TBX1: variants seen among roughly 807,000 people sequenced by gnomAD.
The protein encoded by TBX1 is T-box transcription factor 1, also known as T-box transcription factor TBX1.
TBX1 carries 16 observed loss-of-function variants against 40.8 expected under a neutral mutation model. That is an observed-to-expected ratio of 0.39 (90% CI 0.27 to 0.60). The LOEUF (loss-of-function observed/expected upper bound fraction) is 0.60, where lower values mean the gene tolerates loss of function less well. TBX1 is among the 20% of genes least tolerant of loss of function. The pLI is 0.51. For missense variants in TBX1, 755 were observed against 728.5 expected, an observed-to-expected ratio of 1.04 and a Z score of -0.42; for synonymous variants, 403 against 336.8, an observed-to-expected ratio of 1.20 and a Z score of -2.15.
chr22:19,770,008 G>A (rs926239371), downstream of TBX1, among the ~76,000 whole-genome samples: 2 of 152,218 alleles, frequency 1.3e-5, no homozygotes, highest in Admixed American at 6.5e-5. Flanking sequence ...AAGCTGCTGT[G>A]ATGGGCAGTA....
At position 19,767,013 on chromosome 22, in the gene TBX1, A is replaced by G. The variant is rs1601295620; in HGVS notation, c.*146A>G. 3.7e-6 allele frequency: 5 copies of G among 1,361,696 alleles called. No homozygotes were observed. Among genetic ancestry groups the G allele is most frequent in the African/African-American group, 1.5e-5 (1 of 65,048 alleles). 84.4% of individuals were successfully genotyped at this position (1,361,696 alleles called of 1,614,324 possible). A position where few individuals can be genotyped will look rare whatever the true frequency, so the allele number is the denominator to read the frequency against. On this transcript the variant is annotated 3_prime_UTR_variant, in exon 7 of 7. Coordinates refer to ENST00000649276, the MANE Select transcript of TBX1 (RefSeq NM_001379200.1). ...TCTCCCCTTCCCCAGCCTCGAAGCC[A>G]TGGGGGCCCCCTCGCCACCCCCAGC...
intron 1 of TBX1, among the ~76,000 whole-genome samples, chr22:19,761,880 C>T (rs1936678821): frequency 6.6e-6 from 1 of 152,218 alleles, no homozygotes; most frequent in African/African-American, 2.4e-5. Flanking sequence ...TATCCAGCGG[C>T]CCGTCACCTC....
chr22:19,775,497 C>G (rs1256025165), intron 8 of TBX1, among the ~76,000 whole-genome samples: 1 of 152,240 alleles, frequency 6.6e-6, no homozygotes, highest in Non-Finnish European at 1.5e-5. Flanking sequence ...CAATTCCCTA[C>G]CTGCCTCTAA....
In TBX1 at chr22:19,761,204, G is replaced by C. The variant is rs769434775; in HGVS notation, c.361G>C (p.Val121Leu). Residue 121 changes from valine (V) to leucine (L), a missense_variant, in exon 1 of 7, where the codon GTG becomes CTG. Physicochemically the swap from Val to Leu is conservative, Grantham distance 32. Coordinates refer to ENST00000649276, the MANE Select transcript of TBX1 (RefSeq NM_001379200.1). ...KKNAKVAGVS[V>L]QLEMKALWDE... Reference sequence around the variant, plus strand: ...GAACGCGAAGGTGGCCGGTGTGAGCGTGCAGCTAGAGATGAAGGCGCTGTG... The same window carrying C: ...GAACGCGAAGGTGGCCGGTGTGAGCCTGCAGCTAGAGATGAAGGCGCTGTG... The C allele has an allele frequency of 6.4e-7, 1 of 1,563,968 alleles. No individual in the cohort carries two copies. Among genetic ancestry groups the C allele is most frequent in the African/African-American group, 1.4e-5 (1 of 70,924 alleles).
At chr22:19,782,666 G>A (rs1203892422), downstream of TBX1, among the ~76,000 whole-genome samples, 6 of 152,124 alleles carry the variant, frequency 3.9e-5, no homozygotes, top group Non-Finnish European at 5.9e-5. Flanking sequence ...GTGGTCCTGG[G>A]CAGGCTGCCT....
downstream of TBX1, chr22:19,767,337 C>T (rs1936899874): frequency 2.0e-6 from 2 of 987,580 alleles, no homozygotes; most frequent in Admixed American, 6.1e-5. Flanking sequence ...TTTTGGAAGC[C>T]GCCTGCGTGT....
At chr22:19,762,594 C>A (rs1367973961) in intron 1 of TBX1, among the ~76,000 whole-genome samples, 1 of 152,190 alleles carries the variant, frequency 6.6e-6, no homozygotes, top group Non-Finnish European at 1.5e-5. Context: ...TGAGTACACT[C>A]TGGGTAGCTG....
Position 19,764,229 on chromosome 22 carries a change from A to G in TBX1, c.614A>G (p.His205Arg). The change falls in exon 3 of 7, where the codon CAC becomes CGC. Residue 205 changes from histidine (H) to arginine (R), a missense_variant. Transcript: ENST00000649276. ...GCCACGCCAGGCCGCGTGCACTACCACCCGGACTCGCCTGCCAAGGGCGCG... is the reference window on the plus strand; with the variant it reads ...GCCACGCCAGGCCGCGTGCACTACCGCCCGGACTCGCCTGCCAAGGGCGCG... Reference protein sequence around the residue: ...DPATPGRVHYHPDSPAKGAQW... With the variant: ...DPATPGRVHYRPDSPAKGAQW... 1 of 1,612,936 alleles carries G rather than the reference A, an allele frequency of 6.2e-7. No individual in the cohort carries two copies. The highest frequency in any genetic ancestry group is 8.5e-7 in the Non-Finnish European group (1 of 1,179,904).
chr22:19,763,995 T>C (rs766351714), intron 2 of TBX1, among the ~76,000 whole-genome samples, 160 bp from the exon 3 acceptor site: 12 of 152,098 alleles, frequency 7.9e-5, no homozygotes, highest in Non-Finnish European at 1.2e-4. Context: ...GTTTAGTCCA[T>C]AGTCCCCCTT....
At chr22:19,767,481 G>A (rs1274329460), downstream of TBX1, 1 of 747,612 alleles carries the variant, frequency 1.3e-6, no homozygotes, top group Non-Finnish European at 1.6e-6. Context: ...ACAGCGCCCT[G>A]TCCGCCACGC....
intron 8 of TBX1, among the ~76,000 whole-genome samples, chr22:19,776,686 C>T (rs1027614753): frequency 6.6e-6 from 1 of 152,188 alleles, no homozygotes; most frequent in Non-Finnish European, 1.5e-5. Flanking sequence ...GCACGCCTAC[C>T]CTCAAGGGAT....
chr22:19,762,044 T>C (rs937533100), intron 1 of TBX1, among the ~76,000 whole-genome samples: 2 of 152,260 alleles, frequency 1.3e-5, no homozygotes, highest in African/African-American at 4.8e-5. Context: ...GCTCAGGGCC[T>C]GTTTGCAAAG....
intron 5 of TBX1, 23 bp downstream of exon 5, chr22:19,765,848 G>A: frequency 1.9e-6 from 3 of 1,586,740 alleles, no homozygotes; most frequent in Non-Finnish European, 2.6e-6. Context: ...CCCCGAGAGA[G>A]TGAGCGCCGG....
In TBX1 at chr22:19,766,407, G is replaced by T; in HGVS notation, c.1055G>T (p.Arg352Leu). ...GTEKDAAEAR[R>L]EFQRDAGGPA... ...TCCGCAGACGCGGCTGAGGCCCGGC[G>T]AGAATTCCAGCGCGACGCGGGCGGG... Residue 352 changes from arginine to leucine, a missense_variant, in exon 7 of 7, where the codon CGA (arginine) becomes CTA (leucine). Physicochemically the swap from Arg to Leu is moderately radical, Grantham distance 102. This residue lies in a region of TBX1 where 412 missense variants were observed against 317.6 expected (regional missense o/e 1.30). Coordinates refer to ENST00000649276, the MANE Select transcript of TBX1 (RefSeq NM_001379200.1). 1 of 1,342,418 alleles carries T rather than the reference G, an allele frequency of 7.4e-7. No homozygotes were observed. Among genetic ancestry groups the T allele is most frequent in the South Asian group, 1.8e-5 (1 of 56,948 alleles). The allele number at this position is 1,342,418 out of a possible 1,614,324, so 83.2% of individuals were successfully genotyped here. A position where few individuals can be genotyped will look rare whatever the true frequency, so the allele number is the denominator to read the frequency against.
chr22:19,765,238 A>AACCCAACTGGAGCCCC, intron 4 of TBX1, 125 bp downstream of exon 4: 1 of 1,437,880 alleles, frequency 7.0e-7, no homozygotes, highest in Non-Finnish European at 9.7e-7. Context: ...AGTGGAGCCC[A>AACCCAACTGGAGCCCC]ACCCAACTGG....
chr22:19,782,861 T>C, downstream of TBX1: 3 of 1,613,702 alleles, frequency 1.9e-6, no homozygotes, highest in South Asian at 3.3e-5. Context: ...ACAAACACTT[T>C]GACCTTCCTC....
At chr22:19,781,330 C>T (rs1025660964), downstream of TBX1, among the ~76,000 whole-genome samples, 1 of 152,112 alleles carries the variant, frequency 6.6e-6, no homozygotes, top group Non-Finnish European at 1.5e-5. Flanking sequence ...GATCCTCTTG[C>T]CTCAGCCTCT....
At position 19,761,170 on chromosome 22, in the gene TBX1, G is replaced by A. The variant is rs755146299; in HGVS notation, c.327G>A (p.Pro109=). The stretch of plus-strand genomic sequence containing the variant: ...GCTGCGCGGCCGCAGCCAAGGCGCC[G>A]GTGAAGAAGAACGCGAAGGTGGCCG... The part of the protein sequence containing the change: ...GASCAAAAKA[P]VKKNAKVAGV... The change falls in exon 1 of 7, where the codon CCG becomes CCA. Residue 109 remains proline (P), a synonymous_variant. Transcript: ENST00000649276. 3.9e-6 allele frequency: 6 copies of A among 1,525,384 alleles called. No homozygotes were observed. The highest frequency in any genetic ancestry group is 2.2e-4 in the Middle Eastern group (1 of 4,496). 94.5% of individuals were successfully genotyped at this position (1,525,384 alleles called of 1,614,324 possible). A position where few individuals can be genotyped will look rare whatever the true frequency, so the allele number is the denominator to read the frequency against.
chr22:19,759,857 C>T (rs904031716), upstream of TBX1, among the ~76,000 whole-genome samples: 18 of 152,258 alleles, frequency 1.2e-4, no homozygotes, highest in Admixed American at 9.2e-4. Context: ...GTCCCCTCAC[C>T]AGCCTGGGGG....
Sources: gnomAD v4.1 joint callset for allele counts (sites outside exome capture counted in the v4.1 genomes callset) on GRCh38, gnomAD v4.1.1 for gene constraint, gnomAD v4.1.1 regional missense constraint, MANE v1.5 for transcripts, NCBI Gene and HGNC (gene_info 2026-07-23, HGNC 2026-07-21) for gene names.